SLC37A3: variants seen among roughly 807,000 people sequenced by gnomAD.
SLC37A3 encodes solute carrier family 37 member 3, also known as sugar phosphate exchanger 3.
SLC37A3 carries 51 observed loss-of-function variants against 67.1 expected under a neutral mutation model. The observed-to-expected ratio is 0.76, with a 90% confidence interval of 0.61 to 0.96. SLC37A3 has a LOEUF of 0.96. Among genes scored for constraint, SLC37A3 ranks in the 40% least tolerant of loss-of-function variants. The pLI is 0.00. For missense variants in SLC37A3, 508 were observed against 603.0 expected (o/e 0.84, Z 1.65); for synonymous variants, 214 against 231.4 (o/e 0.92, Z 0.68).
intron 9 of SLC37A3, among the ~76,000 whole-genome samples, 177 bp downstream of exon 9, chr7:140,351,096 C>A (rs925694780): frequency 1.3e-5 from 2 of 152,122 alleles, no homozygotes; most frequent in African/African-American, 4.8e-5. Flanking sequence ...GTTTGTCAAC[C>A]CCTGCATTAG....
At position 140,363,703 on chromosome 7, in the gene SLC37A3, AAT is replaced by A. The variant is rs1389675537; in HGVS notation, c.375+703_375+704del. On this transcript the variant is annotated intron_variant, in intron 5 of 14. Coordinates refer to ENST00000326232, the MANE Select transcript of SLC37A3 (RefSeq NM_207113.3). ...AAGAATGATCAATAAAAAAAAAATA[AAT>A]AAAAAAATAAAAAAAAAAGAGCAAA... 5.3e-4 allele frequency among the ~76,000 whole-genome samples: 61 copies of A among 115,228 alleles called. 1 individual carries two copies. Among genetic ancestry groups the A allele is most frequent in the Middle Eastern group, 4.2e-3 (1 of 236 alleles). The allele number at this position is 115,228 out of a possible 152,430, so 75.6% of individuals were successfully genotyped here. A position where few individuals can be genotyped will look rare whatever the true frequency, so the allele number is the denominator to read the frequency against.
chr7:140,385,845 C>T (rs761790837), intron 1 of SLC37A3, among the ~76,000 whole-genome samples: 2 of 152,130 alleles, frequency 1.3e-5, no homozygotes, highest in Admixed American at 6.5e-5. Context: ...TGCAGTGGCA[C>T]GATCTCGGCC....
chr7:140,353,872 C>G (rs866228357), intron 7 of SLC37A3, among the ~76,000 whole-genome samples: 50 of 151,988 alleles, frequency 3.3e-4, no homozygotes, highest in African/African-American at 1.2e-3. Flanking sequence ...TGACCACGCC[C>G]GGCTAATTTT....
chr7:140,338,828 C>T (rs112387588), intron 13 of SLC37A3, among the ~76,000 whole-genome samples: 7,682 of 151,242 alleles, frequency 0.051, 214 homozygotes, highest in Non-Finnish European at 0.071. Context: ...TACAGTGGTG[C>T]GATCTTGGCT....
intron 10 of SLC37A3, among the ~76,000 whole-genome samples, chr7:140,348,185 T>C (rs1414205481): frequency 6.6e-6 from 1 of 152,168 alleles, no homozygotes; most frequent in Non-Finnish European, 1.5e-5. Context: ...TTCTTCCTTA[T>C]TAGGCTGGGG....
At chr7:140,366,608 C>A (rs1797611819) in intron 4 of SLC37A3, among the ~76,000 whole-genome samples, 1 of 152,104 alleles carries the variant, frequency 6.6e-6, no homozygotes, top group Non-Finnish European at 1.5e-5. Context: ...ACTTCGCAAC[C>A]AAGTTTAACA....
At chr7:140,361,712 C>T (rs951656583) in intron 5 of SLC37A3, among the ~76,000 whole-genome samples, 1 of 150,288 alleles carries the variant, frequency 6.7e-6, no homozygotes, top group African/African-American at 2.4e-5. Context: ...CCACGCCTGA[C>T]TGGTTTTCGT....
intron 14 of SLC37A3, among the ~76,000 whole-genome samples, chr7:140,335,866 C>T (rs1240135952): frequency 6.6e-6 from 1 of 152,224 alleles, no homozygotes; most frequent in Non-Finnish European, 1.5e-5. Context: ...CAAGATACTT[C>T]CCTCTACTTA....
At chr7:140,343,930 G>T in intron 12 of SLC37A3, 1 of 216,210 alleles carries the variant, frequency 4.6e-6, no homozygotes, top group Non-Finnish European at 9.2e-6. Context: ...AATTCAACCA[G>T]GAATATTGAA....
rs79407907 is a variant in SLC37A3 at position 140,340,199 on chromosome 7, A to G, written c.1327-2850T>C. On this transcript the variant is annotated intron_variant, in intron 13 of 14. Coordinates refer to ENST00000326232, the MANE Select transcript of SLC37A3 (RefSeq NM_207113.3). Reference sequence around the variant, plus strand: ...TGAAGATTTGTCCCTGTTTTCTTCTATGAGTTTCATAATTTTAAGTTCTTC... The same window carrying G: ...TGAAGATTTGTCCCTGTTTTCTTCTGTGAGTTTCATAATTTTAAGTTCTTC... Among the ~76,000 whole-genome samples, 1,131 of 152,022 alleles carry G rather than the reference A, an allele frequency of 7.4e-3. 14 individuals are homozygous for G. The highest frequency in any genetic ancestry group is 0.025 in the African/African-American group (1,045 of 41,456).
chr7:140,345,886 G>A lies in SLC37A3; in HGVS notation c.1109C>T (p.Ser370Phe). Reference sequence around the variant, plus strand: ...ATACTCACGACTATACCCGATGAGGGACCCAACTGCCAGAAGCAGACTCAG... The same window carrying A: ...ATACTCACGACTATACCCGATGAGGAACCCAACTGCCAGAAGCAGACTCAG... Reference protein sequence around the residue: ...LALSLLLAVGSLIGYSRSPND... With the variant: ...LALSLLLAVGFLIGYSRSPND... Residue 370 changes from serine to phenylalanine, a missense_variant, in exon 11 of 15, where the codon TCC becomes TTC. Transcript: ENST00000326232. 2 of 1,613,464 alleles carry A rather than the reference G, an allele frequency of 1.2e-6. No individual in the cohort carries two copies. The highest frequency in any genetic ancestry group is 1.7e-6 in the Non-Finnish European group (2 of 1,179,494).
chr7:140,368,259 C>A (rs1797684088), intron 4 of SLC37A3, among the ~76,000 whole-genome samples: 1 of 152,038 alleles, frequency 6.6e-6, no homozygotes, highest in South Asian at 2.1e-4. Flanking sequence ...CAGTTTTGAT[C>A]TATAAATCAT....
At chr7:140,392,930 A>G (rs554174984) in intron 1 of SLC37A3, among the ~76,000 whole-genome samples, 13 of 152,122 alleles carry the variant, frequency 8.5e-5, no homozygotes, top group Non-Finnish European at 1.9e-4. Context: ...TGTCTCTACT[A>G]AAAATACAAA....
intron 1 of SLC37A3, among the ~76,000 whole-genome samples, chr7:140,397,967 C>T (rs1389814614): frequency 2.6e-5 from 4 of 152,208 alleles, no homozygotes; most frequent in Admixed American, 6.5e-5. Flanking sequence ...ACCAGTCACT[C>T]ACTGAGACCA....
chr7:140,345,397 TCTCTGC>T lies in SLC37A3; in HGVS notation c.1127-140_1127-135del, dbSNP rs976393304. The T allele has an allele frequency of 1.5e-4, 103 of 666,488 alleles. No individual in the cohort carries two copies. The African/African-American group carries it at 1.7e-3, about 11-fold the overall frequency. The allele number at this position is 666,488 out of a possible 1,614,324, so 41.3% of individuals were successfully genotyped here. A position where few individuals can be genotyped will look rare whatever the true frequency, so the allele number is the denominator to read the frequency against. ...CAGAGACAACAAAGAGACACAACTC[TCTCTGC>T]CTCTTTCAACTCTGATTTGTAACGT... On this transcript the variant is annotated intron_variant, in intron 11 of 14. Coordinates refer to ENST00000326232, the MANE Select transcript of SLC37A3 (RefSeq NM_207113.3).
At chr7:140,396,775 G>T (rs1159732467) in intron 1 of SLC37A3, among the ~76,000 whole-genome samples, 4 of 151,926 alleles carry the variant, frequency 2.6e-5, no homozygotes, top group Non-Finnish European at 5.9e-5. Flanking sequence ...CTTAGGCAGA[G>T]ACTCGAAATC....
chr7:140,378,108 A>C lies in SLC37A3; in HGVS notation c.198+2174T>G, dbSNP rs979785491. Among the ~76,000 whole-genome samples, 4 of 152,222 alleles carry C rather than the reference A, an allele frequency of 2.6e-5. No individual in the cohort carries two copies. The South Asian group carries it at 8.3e-4, about 31-fold the overall frequency. ...CTTAAAAATAAAGGCAGCCTTAGGC[A>C]GTACAACCAGAAATCTAGTGCCTAA... On this transcript the variant is annotated intron_variant, in intron 3 of 14. Transcript: ENST00000326232.
At chr7:140,368,189 T>C (rs1421294252) in intron 4 of SLC37A3, among the ~76,000 whole-genome samples, 3 of 151,998 alleles carry the variant, frequency 2.0e-5, no homozygotes, top group Non-Finnish European at 4.4e-5. Context: ...GCCCTAGGGC[T>C]CAGGTTTCAC....
At chr7:140,383,578 C>T (rs764918434) in intron 1 of SLC37A3, among the ~76,000 whole-genome samples, 19 of 152,190 alleles carry the variant, frequency 1.2e-4, no homozygotes, top group Non-Finnish European at 2.5e-4. Flanking sequence ...TAACCCCTGT[C>T]TGCCCCCCAG....
Sources: gnomAD v4.1 joint callset for allele counts (sites outside exome capture counted in the v4.1 genomes callset) on GRCh38, gnomAD v4.1.1 for gene constraint, MANE v1.5 for transcripts, NCBI Gene and HGNC (gene_info 2026-07-23, HGNC 2026-07-21) for gene names.